The following PAX5 variants were observed in gnomAD, a reference collection of about 807,000 sequenced individuals.
The protein encoded by PAX5 is paired box protein Pax-5.
A neutral mutation model predicts 43.7 loss-of-function variants in PAX5; 9 were observed. The ratio of observed to expected loss-of-function variants is 0.21; its 90% CI spans 0.12 to 0.36. The LOEUF is 0.36. Among genes scored for constraint, PAX5 ranks in the 10% least tolerant of loss-of-function variants. The pLI is 1.00. For synonymous variants in PAX5, 228 were observed against 214.3 expected, an observed-to-expected ratio of 1.06 and a Z score of -0.56; for missense variants, 383 against 532.7, an observed-to-expected ratio of 0.72 and a Z score of 2.77.
intron 5 of PAX5, among the ~76,000 whole-genome samples, chr9:36,985,915 G>A (rs557353614): frequency 4.6e-5 from 7 of 152,350 alleles, no homozygotes; most frequent in South Asian, 4.1e-4. Flanking sequence ...CGGGGACAGA[G>A]GGAAGAAAGA....
At chr9:36,981,454 A>C (rs1018516674) in intron 5 of PAX5, among the ~76,000 whole-genome samples, 1 of 150,656 alleles carries the variant, frequency 6.6e-6, no homozygotes, top group Admixed American at 6.6e-5. Context: ...AAAACAAAAA[A>C]CAGGTACAAA....
chr9:36,869,894 AAATGGATGGATG>A (rs1825283715), intron 8 of PAX5, among the ~76,000 whole-genome samples: 1 of 41,536 alleles, frequency 2.4e-5, no homozygotes, highest in African/African-American at 1.1e-4. Flanking sequence ...ATGGATGGAT[AAATGGATGGATG>A]GATGGATGGA....
At chr9:36,948,154 A>G (rs1323771924) in intron 6 of PAX5, among the ~76,000 whole-genome samples, 1 of 152,142 alleles carries the variant, frequency 6.6e-6, no homozygotes, top group Non-Finnish European at 1.5e-5. Context: ...GGGGGAGCAA[A>G]CTATCCCAAT....
At chr9:36,872,598 C>CCAT (rs961019994) in intron 8 of PAX5, among the ~76,000 whole-genome samples, 1 of 152,194 alleles carries the variant, frequency 6.6e-6, no homozygotes, top group African/African-American at 2.4e-5. Context: ...AGAGTCCTTT[C>CCAT]CATCTCTGAG....
At chr9:36,904,756 A>G (rs1828681806) in intron 7 of PAX5, among the ~76,000 whole-genome samples, 1 of 152,228 alleles carries the variant, frequency 6.6e-6, no homozygotes, top group African/African-American at 2.4e-5. Context: ...TAACCTTGAC[A>G]ATGACCTAGA....
At chr9:36,966,226 C>T (rs1834418929) in intron 6 of PAX5, among the ~76,000 whole-genome samples, 2 of 152,218 alleles carry the variant, frequency 1.3e-5, no homozygotes, top group African/African-American at 2.4e-5. Context: ...CCAAGACCAC[C>T]TTACGTGGCC....
At chr9:37,002,983 G>C (rs1244633995) in intron 4 of PAX5, 2 of 566,656 alleles carry the variant, frequency 3.5e-6, no homozygotes, top group Non-Finnish European at 6.1e-6. Context: ...CTCTGCGATG[G>C]GGGGAGAAAG....
intron 5 of PAX5, 27 bp downstream of exon 5, chr9:37,002,621 C>T (rs1363445129): frequency 1.3e-6 from 2 of 1,599,340 alleles, no homozygotes; most frequent in African/African-American, 1.3e-5. Context: ...AGCGCATCCC[C>T]GACGGGGCTG....
At chr9:36,953,578 C>T (rs1833189060) in intron 6 of PAX5, among the ~76,000 whole-genome samples, 1 of 152,148 alleles carries the variant, frequency 6.6e-6, no homozygotes, top group African/African-American at 2.4e-5. Flanking sequence ...TATCTTCAAG[C>T]TCCCAAATTC....
chr9:36,884,682 G>A (rs978246800), intron 7 of PAX5, among the ~76,000 whole-genome samples: 2 of 152,202 alleles, frequency 1.3e-5, no homozygotes, highest in African/African-American at 4.8e-5. Flanking sequence ...GCACTGGGGG[G>A]CAGGGGGAAA....
intron 9 of PAX5, among the ~76,000 whole-genome samples, chr9:36,844,467 T>A (rs1822372132): frequency 6.6e-6 from 1 of 152,054 alleles, no homozygotes; most frequent in Admixed American, 6.6e-5. Flanking sequence ...GAGGACGACA[T>A]CAGATAGCCC....
At chr9:36,932,499 C>G (rs1180390743) in intron 6 of PAX5, among the ~76,000 whole-genome samples, 3 of 152,068 alleles carry the variant, frequency 2.0e-5, no homozygotes, top group Non-Finnish European at 2.9e-5. Context: ...TAGGATAGCC[C>G]ATAGAGATGC....
chr9:36,948,447 G>A (rs554721949), intron 6 of PAX5, among the ~76,000 whole-genome samples: 10 of 152,240 alleles, frequency 6.6e-5, no homozygotes, highest in African/African-American at 2.4e-4. Context: ...CTCGTCCTCT[G>A]TTGCACCAAA....
intron 7 of PAX5, among the ~76,000 whole-genome samples, chr9:36,896,826 C>T (rs1055750387): frequency 1.3e-5 from 2 of 152,192 alleles, no homozygotes; most frequent in Middle Eastern, 3.2e-3. Context: ...GGTAGGGACG[C>T]CACTAAACAG....
At chr9:36,884,813 C>T (rs1221230579) in intron 7 of PAX5, among the ~76,000 whole-genome samples, 1 of 152,202 alleles carries the variant, frequency 6.6e-6, no homozygotes, top group African/African-American at 2.4e-5. Flanking sequence ...GTGTCGACTC[C>T]AGCCTTGTGC....
intron 8 of PAX5, among the ~76,000 whole-genome samples, chr9:36,847,647 C>A (rs914690137): frequency 6.6e-6 from 1 of 152,154 alleles, no homozygotes; most frequent in South Asian, 2.1e-4. Flanking sequence ...CAGCTGTGGG[C>A]GTGCTTGGGC....
chr9:36,873,192 A>G (rs1473572297), intron 8 of PAX5, among the ~76,000 whole-genome samples: 1 of 152,078 alleles, frequency 6.6e-6, no homozygotes, highest in Non-Finnish European at 1.5e-5. Context: ...GCATTTCCCC[A>G]CACTTTATAG....
chr9:36,839,083 A>G lies in PAX5; in HGVS notation c.*1477T>C. 1 of 233,358 alleles carries G rather than the reference A, an allele frequency of 4.3e-6. No homozygotes were observed. 14.5% of individuals were successfully genotyped at this position (233,358 alleles called of 1,614,324 possible). ...CTGACTTGACAAGAGAGACTATGCA[A>G]GGAATTAAGGCCCCAGGTAAAGAGA... On this transcript the variant is annotated 3_prime_UTR_variant, in exon 10 of 10. Coordinates refer to ENST00000358127, the MANE Select transcript of PAX5 (RefSeq NM_016734.3).
At chr9:37,020,185 C>G (rs1839736614) in intron 2 of PAX5, among the ~76,000 whole-genome samples, 1 of 151,762 alleles carries the variant, frequency 6.6e-6, no homozygotes, top group African/African-American at 2.4e-5. Context: ...AAGGAAAATA[C>G]TGCAGCCCAA....
Sources: allele counts gnomAD v4.1 joint callset (sites outside exome capture counted in the v4.1 genomes callset), GRCh38; gene constraint gnomAD v4.1.1; transcripts MANE v1.5; gene names NCBI Gene and HGNC (gene_info 2026-07-23, HGNC 2026-07-21).